The following ZNF131 variants were observed in gnomAD, a reference collection of about 807,000 sequenced individuals.
ZNF131 encodes the protein zinc finger and BTB domain containing 35.
A neutral mutation model predicts 60.0 loss-of-function variants in ZNF131; 7 were observed. That is an observed-to-expected ratio of 0.12 (90% confidence interval 0.07 to 0.22). ZNF131 has a LOEUF of 0.22. Among genes scored for constraint, ZNF131 ranks in the 10% least tolerant of loss-of-function variants. The pLI, the probability that ZNF131 is intolerant of heterozygous loss-of-function variation, is 1.00. For missense variants in ZNF131, 493 were observed against 740.9 expected (o/e 0.67, Z 3.88); for synonymous variants, 257 against 253.2 (o/e 1.01, Z -0.14).
intron 6 of ZNF131, 89 bp downstream of exon 6, chr5:43,173,537 A>G: frequency 6.7e-7 from 1 of 1,492,146 alleles, no homozygotes; most frequent in Non-Finnish European, 9.1e-7. Flanking sequence ...TCTCAAGCAA[A>G]GGTATAGGGG....
chr5:43,125,395 G>A (rs2112113738), intron 3 of ZNF131, among the ~76,000 whole-genome samples: 1 of 151,700 alleles, frequency 6.6e-6, no homozygotes, highest in African/African-American at 2.4e-5. Flanking sequence ...CCCACCTCAG[G>A]TGATCCACCC....
At chr5:43,146,794 T>C (rs772010031) in intron 4 of ZNF131, among the ~76,000 whole-genome samples, 4 of 151,722 alleles carry the variant, frequency 2.6e-5, no homozygotes, top group Non-Finnish European at 4.4e-5. Context: ...TAGTCCCAGC[T>C]ACTTGGGAGG....
chr5:43,160,641 A>G (rs2111933698), intron 4 of ZNF131, among the ~76,000 whole-genome samples: 1 of 149,978 alleles, frequency 6.7e-6, no homozygotes, highest in East Asian at 2.0e-4. Context: ...CATACACATA[A>G]TTGTTCTAGC....
intron 3 of ZNF131, among the ~76,000 whole-genome samples, chr5:43,137,317 A>T (rs754421166): frequency 3.9e-5 from 6 of 152,214 alleles, no homozygotes; most frequent in Non-Finnish European, 8.8e-5. Flanking sequence ...ATGATAAGGA[A>T]TGAATCCCAA....
chr5:43,159,387 C>CAA, intron 4 of ZNF131, among the ~76,000 whole-genome samples: 1 of 152,104 alleles, frequency 6.6e-6, no homozygotes, highest in Middle Eastern at 3.4e-3. Context: ...AGAATCCTTT[C>CAA]TTCACTCTAG....
chr5:43,133,483 A>G (rs1745627781), intron 3 of ZNF131, among the ~76,000 whole-genome samples: 3 of 152,252 alleles, frequency 2.0e-5, no homozygotes, highest in South Asian at 4.2e-4. Context: ...GAAAGAAAAG[A>G]AGGTGACTTT....
At chr5:43,121,924 A>T in intron 1 of ZNF131, 115 bp from the exon 2 acceptor site, 1 of 1,156,650 alleles carries the variant, frequency 8.6e-7, no homozygotes, top group Non-Finnish European at 1.2e-6. Flanking sequence ...CTCTTGCTTC[A>T]CCCTCCCCCC....
chr5:43,147,441 G>A (rs1295902735), intron 4 of ZNF131, among the ~76,000 whole-genome samples: 2 of 149,936 alleles, frequency 1.3e-5, no homozygotes, highest in South Asian at 2.1e-4. Flanking sequence ...TTTTTGAGAC[G>A]GAGTCTCGCT....
intron 4 of ZNF131, among the ~76,000 whole-genome samples, chr5:43,149,666 A>G (rs2111707986): frequency 6.6e-6 from 1 of 152,332 alleles, no homozygotes; most frequent in East Asian, 1.9e-4. Context: ...GCAGCCTATG[A>G]ATGCTCCAGT....
At chr5:43,122,590 G>A (rs1032941950) in intron 2 of ZNF131, among the ~76,000 whole-genome samples, 2 of 152,158 alleles carry the variant, frequency 1.3e-5, no homozygotes, top group Non-Finnish European at 2.9e-5. Context: ...GAGAATGAGA[G>A]ATTCCATTGC....
intron 4 of ZNF131, among the ~76,000 whole-genome samples, chr5:43,140,861 G>C (rs953633515): frequency 1.3e-5 from 2 of 152,110 alleles, no homozygotes; most frequent in Non-Finnish European, 2.9e-5. Flanking sequence ...GGGATTACAG[G>C]TGCCTGCCAC....
At chr5:43,140,898 A>G (rs1171454458) in intron 4 of ZNF131, among the ~76,000 whole-genome samples, 1 of 152,074 alleles carries the variant, frequency 6.6e-6, no homozygotes, top group Non-Finnish European at 1.5e-5. Context: ...TCGTATTTTT[A>G]GTAGAGGTGG....
chr5:43,168,049 T>C lies in ZNF131; in HGVS notation c.1055-5269T>C, dbSNP rs930320065. On this transcript the variant is annotated intron_variant, in intron 5 of 6. Transcript: ENST00000682664. ...CACATGGTGAGGGAGTTGAGCATGC[T>C]AGCTCAGGTTTCTCTTACTCTTCTT... 41 of 420,632 alleles carry C rather than the reference T, an allele frequency of 9.7e-5. No homozygotes were observed. The Admixed American group carries it at 1.2e-3, about 12-fold the overall frequency. 26.1% of individuals were successfully genotyped at this position (420,632 alleles called of 1,614,324 possible).
At chr5:43,121,976 T>C in intron 1 of ZNF131, 63 bp from the exon 2 acceptor site, 1 of 1,553,598 alleles carries the variant, frequency 6.4e-7, no homozygotes, top group Non-Finnish European at 8.7e-7. Context: ...TGTTTTATGC[T>C]TTAGGGGTTT....
intron 4 of ZNF131, among the ~76,000 whole-genome samples, chr5:43,159,250 C>G (rs955535768): frequency 6.6e-5 from 10 of 152,134 alleles, no homozygotes; most frequent in Non-Finnish European, 1.2e-4. Context: ...GCCCTTTCAT[C>G]TACTATACTA....
chr5:43,138,338 A>G (rs1051104526), intron 3 of ZNF131, among the ~76,000 whole-genome samples: 1 of 152,194 alleles, frequency 6.6e-6, no homozygotes, highest in Non-Finnish European at 1.5e-5. Context: ...ATGATTAAGC[A>G]TCCAACTAGG....
At chr5:43,149,472 T>G (rs1321842934) in intron 4 of ZNF131, among the ~76,000 whole-genome samples, 1 of 152,246 alleles carries the variant, frequency 6.6e-6, no homozygotes, top group Non-Finnish European at 1.5e-5. Context: ...TTCAAGTTTT[T>G]GGCTATTAGA....
In ZNF131 at chr5:43,161,215, T is replaced by G. The variant is rs55714804; in HGVS notation, c.372-34T>G. 7 of 1,531,864 alleles carry G rather than the reference T, an allele frequency of 4.6e-6. No homozygotes were observed. The South Asian group carries it at 6.4e-5, about 14-fold the overall frequency. The allele number at this position is 1,531,864 out of a possible 1,614,324, so 94.9% of individuals were successfully genotyped here. A position where few individuals can be genotyped will look rare whatever the true frequency, so the allele number is the denominator to read the frequency against. On this transcript the variant is annotated intron_variant, in intron 4 of 6. Transcript: ENST00000682664. ...AAAAAAGCCTGGTAGGATCTTCTTA[T>G]AGATTTTTTAAACCCCTACATTATG...
At position 43,133,237 on chromosome 5, in the gene ZNF131, G is replaced by A. The variant is rs907327735; in HGVS notation, c.227-5928G>A. 2.6e-5 allele frequency among the ~76,000 whole-genome samples: 4 copies of A among 152,100 alleles called. No individual in the cohort carries two copies. In the East Asian group the frequency reaches 7.7e-4, roughly 29 times the overall value. On this transcript the variant is annotated intron_variant, in intron 3 of 6. Coordinates refer to ENST00000682664, the MANE Select transcript of ZNF131 (RefSeq NM_001330707.2). The stretch of plus-strand genomic sequence containing the variant: ...TCCCAGCACTTTGGGAGGCCGAGGT[G>A]GACGGATCATGAGGTCAGGAGGTTG...
Sources: allele counts gnomAD v4.1 joint callset (sites outside exome capture counted in the v4.1 genomes callset), GRCh38; gene constraint gnomAD v4.1.1; transcripts MANE v1.5; gene names NCBI Gene and HGNC (gene_info 2026-07-23, HGNC 2026-07-21).